CPSF1: variants seen among roughly 807,000 people sequenced by gnomAD.
The protein encoded by CPSF1 is cleavage and polyadenylation specificity factor subunit 1.
In CPSF1, 106 loss-of-function variants were observed where a neutral mutation model predicts 175.8. The ratio of observed to expected loss-of-function variants is 0.60; its 90% CI spans 0.52 to 0.71. CPSF1 has a LOEUF of 0.71. Ranked by LOEUF, CPSF1 falls within the 30% of genes least tolerant of loss-of-function variation. The pLI is 0.00. For missense variants in CPSF1, 1,734 were observed against 2,022.9 expected (o/e 0.86, Z 2.74); for synonymous variants, 1,024 against 858.3 (o/e 1.19, Z -3.37).
rs782659001 is a variant in CPSF1, at chr8:144,397,309, G to T, written c.2490C>A (p.Gly830=). 4 of 1,552,544 alleles carry T rather than the reference G, an allele frequency of 2.6e-6. No individual in the cohort carries two copies. The highest frequency in any genetic ancestry group is 1.4e-5 in the African/African-American group (1 of 73,184). ...DSSFGQPTTQ[G]EARREEATRQ... is the part of the protein sequence containing the mutation. ...GCGTGGCCTCCTCCCTGCGGGCCTC[G>T]CCCTGTGTAGTGGGCTGTCCAAAGG... The change falls in exon 23 of 38, where the codon GGC becomes GGA. Residue 830 remains glycine (G), a synonymous_variant. Coordinates refer to ENST00000616140, the MANE Select transcript of CPSF1 (RefSeq NM_013291.3).
intron 2 of CPSF1, 130 bp downstream of exon 2, chr8:144,408,885 G>A: frequency 9.1e-7 from 1 of 1,095,442 alleles, no homozygotes; most frequent in South Asian, 1.5e-5. Flanking sequence ...TCATGTCCTG[G>A]CTCCTCAGGC....
rs1366890505 is a variant in CPSF1, at chr8:144,398,724, G to A, written c.1638+55C>T. 5.0e-6 allele frequency: 8 copies of A among 1,594,898 alleles called. No homozygotes were observed. The East Asian group carries it at 6.7e-5, about 13-fold the overall frequency. ...TGCGACCTGGGCACCCCCGGCCTAT[G>A]AGAAGGCAGCGCCGGTCCCATCCCA... On this transcript the variant is annotated intron_variant, in intron 17 of 37. Coordinates refer to ENST00000616140, the MANE Select transcript of CPSF1 (RefSeq NM_013291.3).
Position 144,399,490 on chromosome 8 carries a change from G to A in CPSF1, c.1256C>T (p.Ser419Leu). 1.2e-6 allele frequency: 2 copies of A among 1,613,058 alleles called. No individual in the cohort carries two copies. The highest frequency in any genetic ancestry group is 1.7e-6 in the Non-Finnish European group (2 of 1,179,944). The change falls in exon 13 of 38, where the codon TCA becomes TTA. Residue 419 changes from serine (S) to leucine (L), a missense_variant. Ser to Leu is a moderately radical substitution (Grantham distance 145). Transcript: ENST00000616140. This position sits in a 1 kb window ranked among gnomAD's most constrained non-coding sequence, Gnocchi z 6.4. ...REAADKEEPP[S>L]KKKRVDATAG... ...CGTCGCATCCACTCGCTTCTTCTTTGAGGGAGGCTCTTCCTGTGAGGCAGG... is the reference window on the plus strand; with the variant it reads ...CGTCGCATCCACTCGCTTCTTCTTTAAGGGAGGCTCTTCCTGTGAGGCAGG...
Position 144,397,339 on chromosome 8 carries a change from G to A in CPSF1, c.2460C>T (p.Asp820=), listed in dbSNP as rs1554864320. The A allele has an allele frequency of 6.4e-7, 1 of 1,560,478 alleles. No homozygotes were observed. Among genetic ancestry groups the A allele is most frequent in the Non-Finnish European group, 8.7e-7 (1 of 1,152,824 alleles). The change falls in exon 23 of 38, where the codon GAC becomes GAT. Residue 820 remains aspartate, a synonymous_variant. Coordinates refer to ENST00000616140, the MANE Select transcript of CPSF1 (RefSeq NM_013291.3). ...GTGTAGTGGGCTGTCCAAAGGAGCT[G>A]TCCACAAGGACCCGCTGCCCCACAG... ...NFPVGQRVLV[D]SSFGQPTTQG... is the part of the protein sequence containing the mutation.
Position 144,409,066 on chromosome 8 carries a change from T to G in CPSF1, c.93A>C (p.Val31=), listed in dbSNP as rs1441608991. The change falls in exon 2 of 38, where the codon GTA becomes GTC. Residue 31 remains valine, a synonymous_variant. Transcript: ENST00000616140. ...NFFNNSERNL[V]VAGTSQLYVY... is the part of the protein sequence containing the mutation. ...CGTAGAGCTGCGAGGTCCCGGCCACTACCAGGTTGCGCTCGCTGTTGTTGA... is the reference window on the plus strand; with the variant it reads ...CGTAGAGCTGCGAGGTCCCGGCCACGACCAGGTTGCGCTCGCTGTTGTTGA... 6 of 1,613,714 alleles carry G rather than the reference T, an allele frequency of 3.7e-6. No individual in the cohort carries two copies. Among genetic ancestry groups the G allele is most frequent in the Non-Finnish European group, 4.2e-6 (5 of 1,179,920 alleles).
At chr8:144,396,093 G>C in intron 26 of CPSF1, 1 of 546,470 alleles carries the variant, frequency 1.8e-6, no homozygotes, top group Non-Finnish European at 3.3e-6. Flanking sequence ...GGCCCTGCGA[G>C]GGCTTGCCCG....
rs2116885342 is a variant in CPSF1, at chr8:144,401,524, G to A, written c.212C>T (p.Ser71Phe). 28 of 1,613,884 alleles carry A rather than the reference G, an allele frequency of 1.7e-5. No homozygotes were observed. Among genetic ancestry groups the A allele is most frequent in the Non-Finnish European group, 2.3e-5 (27 of 1,180,006 alleles). The change falls in exon 4 of 38, where the codon TCC becomes TTC. Residue 71 changes from serine (S) to phenylalanine (F), a missense_variant. By Grantham distance (155) the Ser-to-Phe change is radical. Coordinates refer to ENST00000616140, the MANE Select transcript of CPSF1 (RefSeq NM_013291.3). ...CATGACGTTGCCAAAGAAGGAGAAG[G>A]AGGCAGCAAGCTCGAGCTTCTCCCG... The part of the protein sequence containing the change: ...AHREKLELAA[S>F]FSFFGNVMSM...
chr8:144,400,528 C>G (rs2116875986), intron 7 of CPSF1, 35 bp from the exon 8 acceptor site: 1 of 1,610,790 alleles, frequency 6.2e-7, no homozygotes, highest in Non-Finnish European at 8.5e-7. Context: ...AGGGCCTTGC[C>G]TCCCCGCAGA....
Position 144,399,348 on chromosome 8 carries a change from A to G in CPSF1, c.1320T>C (p.Asp440=). The G allele has an allele frequency of 1.9e-6, 3 of 1,612,486 alleles. No homozygotes were observed. Among genetic ancestry groups the G allele is most frequent in the Non-Finnish European group, 1.7e-6 (2 of 1,179,924 alleles). ...WSAAGKSVPQ[D]EVDEIEVYGS... is the part of the protein sequence containing the mutation. ...CGTACACTTCAATCTCGTCCACCTC[A>G]TCCTGCGGCACCGACTTACCCGCAG... The change falls in exon 14 of 38, where the codon GAT becomes GAC. Residue 440 remains aspartate (D), a synonymous_variant. Coordinates refer to ENST00000616140, the MANE Select transcript of CPSF1 (RefSeq NM_013291.3). The surrounding 1 kb of genome is among the most constrained non-coding windows in gnomAD (Gnocchi z 6.4).
intron 2 of CPSF1, 140 bp downstream of exon 2, chr8:144,408,875 T>G: frequency 1.0e-6 from 1 of 989,502 alleles, no homozygotes; most frequent in Non-Finnish European, 1.5e-6. Flanking sequence ...AGATTCAGGG[T>G]CATGTCCTGG....
Position 144,393,554 on chromosome 8 carries a change from G to A in CPSF1, c.4182C>T (p.Ala1394=), listed in dbSNP as rs145619617. 268 of 1,604,806 alleles carry A rather than the reference G, an allele frequency of 1.7e-4. No homozygotes were observed. In the African/African-American group the frequency reaches 2.8e-3, roughly 17 times the overall value. Residue 1394 remains alanine, a synonymous_variant, in exon 37 of 38, where the codon GCC becomes GCT. Coordinates refer to ENST00000616140, the MANE Select transcript of CPSF1 (RefSeq NM_013291.3). ...GCTCCCCATCCAGCACGTTGCGCAC[G>A]GCATTCTGGAGGGTGCGGCGGTCCA... is the stretch of plus-strand genomic sequence containing the variant. The part of the protein sequence containing the change: ...LHVDRRTLQN[A]VRNVLDGELL...
chr8:144,402,908 G>A (rs1447979956), intron 2 of CPSF1, among the ~76,000 whole-genome samples: 4 of 152,154 alleles, frequency 2.6e-5, no homozygotes, highest in East Asian at 3.8e-4. Context: ...ACAAGCAGGG[G>A]TATTGTAACA....
chr8:144,401,300 A>C lies in CPSF1; in HGVS notation c.307-9T>G. 6.3e-7 allele frequency: 1 copy of C among 1,575,684 alleles called. No individual in the cohort carries two copies. The highest frequency in any genetic ancestry group is 8.6e-7 in the Non-Finnish European group (1 of 1,161,296). On this transcript the variant is annotated splice_polypyrimidine_tract_variant and intron_variant, in intron 4 of 37. Coordinates refer to ENST00000616140, the MANE Select transcript of CPSF1 (RefSeq NM_013291.3). ...TACTCCACCACAGACAGCTGCGGTCAGAGGGCACAGCCGTGGCTGCCGACT... is the reference window on the plus strand; with the variant it reads ...TACTCCACCACAGACAGCTGCGGTCCGAGGGCACAGCCGTGGCTGCCGACT...
At position 144,394,231 on chromosome 8, in the gene CPSF1, T is replaced by A. The variant is rs1339155853; in HGVS notation, c.3811+3A>T. ...TCAGCTCCCCAGGGCCCTGCCCACA[T>A]ACCCAGAAAACCCAGCTGGGCATTG... On this transcript the variant is annotated splice_donor_region_variant and intron_variant, in intron 33 of 37. Transcript: ENST00000616140. 1 of 1,606,838 alleles carries A rather than the reference T, an allele frequency of 6.2e-7. No individual in the cohort carries two copies. The highest frequency in any genetic ancestry group is 8.5e-7 in the Non-Finnish European group (1 of 1,176,598).
Position 144,400,060 on chromosome 8 carries a change from G to C in CPSF1, c.963C>G (p.Thr321=). 6.2e-7 allele frequency: 1 copy of C among 1,611,726 alleles called. No individual in the cohort carries two copies. Among genetic ancestry groups the C allele is most frequent in the Non-Finnish European group, 8.5e-7 (1 of 1,179,830 alleles). Residue 321 remains threonine, a synonymous_variant, in exon 10 of 38, where the codon ACC becomes ACG. Transcript: ENST00000616140. The stretch of plus-strand genomic sequence containing the variant: ...TGAAGGTGGCCTGGGCGCAGTCCAG[G>C]GTGATCCGCACACCCTCCTGGGTGC... The part of the protein sequence containing the change: ...PLRTQEGVRI[T]LDCAQATFIS...
In CPSF1 at chr8:144,396,564, TC is replaced by T. The variant is rs781835904; in HGVS notation, c.2826+33del. Reference sequence around the variant, plus strand: ...GCTGCGGATGAGGCCGCGTCTCCCTTCTACCACAGACCCCTGCAAAGGCGCT... The same window carrying T: ...GCTGCGGATGAGGCCGCGTCTCCCTTTACCACAGACCCCTGCAAAGGCGCT... On this transcript the variant is annotated intron_variant, in intron 25 of 37. Transcript: ENST00000616140. 3.7e-6 allele frequency: 6 copies of T among 1,609,178 alleles called. No individual in the cohort carries two copies. The East Asian group carries it at 1.3e-4, about 36-fold the overall frequency.
At chr8:144,397,455 C>T (rs782779652) in intron 22 of CPSF1, 32 bp downstream of exon 22, 1 of 1,587,418 alleles carries the variant, frequency 6.3e-7, no homozygotes, top group Non-Finnish European at 8.6e-7. Context: ...GTGGGTGGAA[C>T]CCGCTGGGCC....
Position 144,400,029 on chromosome 8 carries a change from A to G in CPSF1, c.994T>C (p.Tyr332His), listed in dbSNP as rs2116869273. ...LDCAQATFIS[Y>H]DKMVISLKGG... ...TTGAGGGAGATGACCATCTTGTCGTAGGAGATGAAGGTGGCCTGGGCGCAG... is the reference window on the plus strand; with the variant it reads ...TTGAGGGAGATGACCATCTTGTCGTGGGAGATGAAGGTGGCCTGGGCGCAG... Residue 332 changes from tyrosine to histidine, a missense_variant, in exon 10 of 38, where the codon TAC becomes CAC. Tyr to His is a moderately conservative substitution (Grantham distance 83). Around this residue, in one of 10 missense-constraint regions of CPSF1, gnomAD observed 162 missense variants for 169.5 expected, o/e 0.96. Transcript: ENST00000616140. 1.9e-6 allele frequency: 3 copies of G among 1,611,084 alleles called. No individual in the cohort carries two copies. Among genetic ancestry groups the G allele is most frequent in the Non-Finnish European group, 2.5e-6 (3 of 1,179,658 alleles).
intron 2 of CPSF1, among the ~76,000 whole-genome samples, chr8:144,406,583 C>T (rs1405169775): frequency 6.6e-6 from 1 of 152,256 alleles, no homozygotes; most frequent in Non-Finnish European, 1.5e-5. Flanking sequence ...GGGCAGACAC[C>T]AACCCCAGGC....
Sources: allele counts gnomAD v4.1 joint callset (sites outside exome capture counted in the v4.1 genomes callset), GRCh38; gene constraint gnomAD v4.1.1; regional missense constraint gnomAD v4.1.1; non-coding constraint Gnocchi (gnomAD v3.1); transcripts MANE v1.5; gene names NCBI Gene and HGNC (gene_info 2026-07-23, HGNC 2026-07-21).